Variants in PLCG1 observed in about 807,000 individuals in gnomAD.
PLCG1 encodes phospholipase C gamma 1.
Under a neutral mutation model 177.8 loss-of-function variants are expected in PLCG1, and 71 were observed. The observed-to-expected ratio is 0.40, with a 90% CI of 0.33 to 0.49. The LOEUF is 0.49. Among genes scored for constraint, PLCG1 ranks in the 20% least tolerant of loss-of-function variants. The pLI, the probability that PLCG1 is intolerant of heterozygous loss-of-function variation, is 0.72. For synonymous variants in PLCG1, 658 were observed against 647.9 expected, an observed-to-expected ratio of 1.02 and a Z score of -0.24; for missense variants, 1,281 against 1,709.0, an observed-to-expected ratio of 0.75 and a Z score of 4.42.
chr20:41,141,515 G>A (rs1260640837), intron 1 of PLCG1, among the ~76,000 whole-genome samples: 2 of 152,236 alleles, frequency 1.3e-5, no homozygotes, highest in African/African-American at 2.4e-5. Flanking sequence ...GGCCTGCTCC[G>A]AGGGCTAGGC....
rs187055427 is a variant in PLCG1 at position 41,141,756 on chromosome 20, C to T, written c.217+3898C>T. On this transcript the variant is annotated intron_variant, in intron 1 of 31. Transcript: ENST00000685551. ...CGATGTGTGGGTTTCCAGGCCCCCC[C>T]GCCCAGCTGGGATCCTCTGTTTCCT... 3.9e-5 allele frequency among the ~76,000 whole-genome samples: 6 copies of T among 152,354 alleles called. No individual in the cohort carries two copies. In the East Asian group the frequency reaches 7.7e-4, roughly 20 times the overall value.
In PLCG1 at chr20:41,165,714, C is replaced by G; in HGVS notation, c.1687C>G (p.His563Asp). Residue 563 changes from histidine to aspartate, a missense_variant, in exon 16 of 32, where the codon CAC becomes GAC. By Grantham distance (81) the His-to-Asp change is moderately conservative (BLOSUM62 -1). Around this residue, in one of 4 missense-constraint regions of PLCG1, gnomAD observed 723 missense variants for 1,030.0 expected, o/e 0.70. Coordinates refer to ENST00000685551, the MANE Select transcript of PLCG1 (RefSeq NM_002660.3). This position sits in a 1 kb window ranked among gnomAD's most constrained non-coding sequence, Gnocchi z 6.6. ...GCTAGGGGCAGGGCGTGACGGGCGT[C>G]ACATCGCTGAGCGCCTGCTTACTGA... Reference protein sequence around the residue: ...GKLGAGRDGRHIAERLLTEYC... With the variant: ...GKLGAGRDGRDIAERLLTEYC... 6.2e-7 allele frequency: 1 copy of G among 1,613,908 alleles called. No homozygotes were observed.
In PLCG1 at chr20:41,175,865, T is replaced by C. The variant is rs2036051689; in HGVS notation, c.*1356T>C. The C allele has an allele frequency of 6.6e-6, 1 of 152,580 alleles. No individual in the cohort carries two copies. 9.5% of individuals were successfully genotyped at this position (152,580 alleles called of 1,614,324 possible). A position where few individuals can be genotyped will look rare whatever the true frequency, so the allele number is the denominator to read the frequency against. ...TTCTCAGGTTAAGCAGCAAGAGCTG[T>C]AACCCCTCCTCTGGGCTAACAGGAG... On this transcript the variant is annotated 3_prime_UTR_variant, in exon 32 of 32. Transcript: ENST00000685551.
Position 41,153,408 on chromosome 20 carries a change from C to T in PLCG1, c.218-6198C>T, listed in dbSNP as rs185775340. On this transcript the variant is annotated intron_variant, in intron 1 of 31. Coordinates refer to ENST00000685551, the MANE Select transcript of PLCG1 (RefSeq NM_002660.3). The surrounding 1 kb of genome is among the most constrained non-coding windows in gnomAD (Gnocchi z 5.1). ...CTTGGGCTCAAGTGATCTTTCCCAC[C>T]GCCTCCCAAGTAGCTGGGACTACAG... Among the ~76,000 whole-genome samples, 8 of 152,234 alleles carry T rather than the reference C, an allele frequency of 5.3e-5. No individual in the cohort carries two copies. The East Asian group carries it at 5.8e-4, about 11-fold the overall frequency.
rs543277016 is a variant in PLCG1, at chr20:41,144,441, C to T, written c.217+6583C>T. On this transcript the variant is annotated intron_variant, in intron 1 of 31. Coordinates refer to ENST00000685551, the MANE Select transcript of PLCG1 (RefSeq NM_002660.3). The surrounding 1 kb of genome is among the most constrained non-coding windows in gnomAD (Gnocchi z 4.1). ...GACTCATTGCCTCAATTTCAAAACC[C>T]GTCCTGCACTCATCCTTGCCACAAC... Among the ~76,000 whole-genome samples the T allele has an allele frequency of 3.3e-5, 5 of 152,280 alleles. No homozygotes were observed. The highest frequency in any genetic ancestry group is 3.9e-4 in the East Asian group (2 of 5,178).
intron 1 of PLCG1, among the ~76,000 whole-genome samples, chr20:41,138,477 A>AT (rs2034688019): frequency 6.8e-6 from 1 of 146,396 alleles, no homozygotes; most frequent in Non-Finnish European, 1.5e-5. Context: ...CAGTGGCTGG[A>AT]ATTTTTTTTT....
At chr20:41,162,877 G>T (rs2035558454) in intron 6 of PLCG1, 81 bp from the exon 7 acceptor site, 1 of 1,424,864 alleles carries the variant, frequency 7.0e-7, no homozygotes, top group Non-Finnish European at 9.9e-7. Context: ...CCCATCTGCT[G>T]CTCTAGCCTG....
intron 1 of PLCG1, among the ~76,000 whole-genome samples, chr20:41,140,734 G>T (rs1423550341): frequency 6.6e-6 from 1 of 152,208 alleles, no homozygotes; most frequent in Non-Finnish European, 1.5e-5. Context: ...ACAGGAACCA[G>T]GTTGGTGTTT....
chr20:41,170,374 T>C (rs2035857178), intron 24 of PLCG1, 105 bp downstream of exon 24: 1 of 1,227,736 alleles, frequency 8.1e-7, no homozygotes, highest in African/African-American at 1.5e-5. Context: ...GGGCAGCCGA[T>C]GGCCTATGCT....
At position 41,169,159 on chromosome 20, in the gene PLCG1, T is replaced by C; in HGVS notation, c.2564T>C (p.Leu855Pro). 1 of 1,612,634 alleles carries C rather than the reference T, an allele frequency of 6.2e-7. No individual in the cohort carries two copies. Among genetic ancestry groups the C allele is most frequent in the Non-Finnish European group, 8.5e-7 (1 of 1,178,596 alleles). The change falls in exon 22 of 32, where the codon CTG becomes CCG. Residue 855 changes from leucine (L) to proline (P), a missense_variant. Leu to Pro is a moderately conservative substitution (Grantham distance 98). Coordinates refer to ENST00000685551, the MANE Select transcript of PLCG1 (RefSeq NM_002660.3). ...GAAGAGATGGTCAACCCCGTGGCCC[T>C]GGAGCCGGAGAGGGAGGTAAGACCA... ...YVEEMVNPVALEPEREHLDEN... is the reference protein window; with the variant it reads ...YVEEMVNPVAPEPEREHLDEN...
chr20:41,141,629 C>T (rs1204055580), intron 1 of PLCG1, among the ~76,000 whole-genome samples: 2 of 152,278 alleles, frequency 1.3e-5, no homozygotes, highest in Admixed American at 1.3e-4. Context: ...ATGTCCGGAT[C>T]TCCAGAGCTA....
Position 41,159,192 on chromosome 20 carries a change from C to T in PLCG1, c.218-414C>T, listed in dbSNP as rs540636111. Among the ~76,000 whole-genome samples the T allele has an allele frequency of 2.6e-5, 4 of 152,258 alleles. No homozygotes were observed. Among genetic ancestry groups the T allele is most frequent in the Non-Finnish European group, 5.9e-5 (4 of 68,012 alleles). On this transcript the variant is annotated intron_variant, in intron 1 of 31. Transcript: ENST00000685551. The surrounding 1 kb of genome is among the most constrained non-coding windows in gnomAD (Gnocchi z 6.0). ...CTACTTTCTCCCAGGGATCCTGAGG[C>T]CCATCTTGACCTACCCAGCCCTGCC...
Position 41,157,270 on chromosome 20 carries a change from G to T in PLCG1, c.218-2336G>T, listed in dbSNP as rs1382753433. Among the ~76,000 whole-genome samples the T allele has an allele frequency of 6.7e-6, 1 of 150,048 alleles. No individual in the cohort carries two copies. The highest frequency in any genetic ancestry group is 1.5e-5 in the Non-Finnish European group (1 of 67,926). Reference sequence around the variant, plus strand: ...GTCACACTCACCTTTGCAAGAAGGTGTGGGAGGGGGATGACAGCAGCTCCA... The same window carrying T: ...GTCACACTCACCTTTGCAAGAAGGTTTGGGAGGGGGATGACAGCAGCTCCA... On this transcript the variant is annotated intron_variant, in intron 1 of 31. Transcript: ENST00000685551. This position sits in a 1 kb window ranked among gnomAD's most constrained non-coding sequence, Gnocchi z 5.4.
rs1050484255 is a variant in PLCG1 at position 41,156,375 on chromosome 20, G to C, written c.218-3231G>C. Among the ~76,000 whole-genome samples, 2 of 152,206 alleles carry C rather than the reference G, an allele frequency of 1.3e-5. No homozygotes were observed. The highest frequency in any genetic ancestry group is 4.8e-5 in the African/African-American group (2 of 41,450). On this transcript the variant is annotated intron_variant, in intron 1 of 31. Coordinates refer to ENST00000685551, the MANE Select transcript of PLCG1 (RefSeq NM_002660.3). The surrounding 1 kb of genome is among the most constrained non-coding windows in gnomAD (Gnocchi z 5.0). ...CTGGGCAGCCATCACCATGGGCCTG[G>C]GGACGTGGTGCTGGGCAGAATGAAT...
chr20:41,168,496 C>G (rs891135411), intron 20 of PLCG1, among the ~76,000 whole-genome samples: 2 of 152,228 alleles, frequency 1.3e-5, no homozygotes, highest in Non-Finnish European at 2.9e-5. Context: ...CAAGGTTCTC[C>G]CTGTGGCCCA....
In PLCG1 at chr20:41,159,966, A is replaced by G. The variant is rs770716440; in HGVS notation, c.464+3A>G. The G allele has an allele frequency of 1.9e-6, 3 of 1,611,664 alleles. No homozygotes were observed. Among genetic ancestry groups the G allele is most frequent in the Non-Finnish European group, 1.7e-6 (2 of 1,177,822 alleles). Reference sequence around the variant, plus strand: ...CCCACACCCCTGCAGATTGAGAGGTAAGAACCACTCCTGAAGGGGTTAGGG... The same window carrying G: ...CCCACACCCCTGCAGATTGAGAGGTGAGAACCACTCCTGAAGGGGTTAGGG... On this transcript the variant is annotated splice_donor_region_variant and intron_variant, in intron 3 of 31. Transcript: ENST00000685551. This position sits in a 1 kb window ranked among gnomAD's most constrained non-coding sequence, Gnocchi z 6.0.
chr20:41,160,167 T>G lies in PLCG1; in HGVS notation c.512+14T>G, dbSNP rs1833092449. The G allele has an allele frequency of 3.1e-6, 5 of 1,613,074 alleles. No homozygotes were observed. The highest frequency in any genetic ancestry group is 4.2e-6 in the Non-Finnish European group (5 of 1,179,088). On this transcript the variant is annotated intron_variant, in intron 4 of 31. Transcript: ENST00000685551. This position sits in a 1 kb window ranked among gnomAD's most constrained non-coding sequence, Gnocchi z 5.5. ...TCGTGAGGATCGGTAAGTACTGAGC[T>G]GTGGCTGTAGCCCAGCAGGGTGGGG... is the stretch of plus-strand genomic sequence containing the variant.
Position 41,170,381 on chromosome 20 carries a change from T to TG in PLCG1, c.2808+113dup, listed in dbSNP as rs775711346. 2.7e-6 allele frequency: 3 copies of TG among 1,109,864 alleles called. No individual in the cohort carries two copies. In the South Asian group the frequency reaches 4.4e-5, roughly 16 times the overall value. 68.8% of individuals were successfully genotyped at this position (1,109,864 alleles called of 1,614,324 possible). On this transcript the variant is annotated intron_variant, in intron 24 of 31. Coordinates refer to ENST00000685551, the MANE Select transcript of PLCG1 (RefSeq NM_002660.3). Reference sequence around the variant, plus strand: ...GAGCAGTGGGGCAGCCGATGGCCTATGCTAGATAGGCCACAGCCCCTGCCT... The same window carrying TG: ...GAGCAGTGGGGCAGCCGATGGCCTATGGCTAGATAGGCCACAGCCCCTGCCT...
In PLCG1 at chr20:41,174,806, A is replaced by G. The variant is rs1046065707; in HGVS notation, c.*297A>G. On this transcript the variant is annotated 3_prime_UTR_variant, in exon 32 of 32. Transcript: ENST00000685551. This position sits in a 1 kb window ranked among gnomAD's most constrained non-coding sequence, Gnocchi z 5.8. ...CCTTCCATCTTGTGGGGCCAGGACC[A>G]TGGCCGAAGCCCCTTGGAGAGAGAG... 2.3e-6 allele frequency: 1 copy of G among 431,084 alleles called. No homozygotes were observed. Among genetic ancestry groups the G allele is most frequent in the South Asian group, 2.4e-5 (1 of 42,292 alleles). 26.7% of individuals were successfully genotyped at this position (431,084 alleles called of 1,614,324 possible).
Sources: allele counts gnomAD v4.1 joint callset (sites outside exome capture counted in the v4.1 genomes callset), GRCh38; gene constraint gnomAD v4.1.1; regional missense constraint gnomAD v4.1.1; non-coding constraint Gnocchi (gnomAD v3.1); transcripts MANE v1.5; gene names NCBI Gene and HGNC (gene_info 2026-07-23, HGNC 2026-07-21).